Variants in WDR72 observed in about 807,000 individuals in gnomAD.
The protein encoded by WDR72 is WD repeat domain 72.
In WDR72, 120 loss-of-function variants were observed where a neutral mutation model predicts 124.2. That is an observed-to-expected ratio of 0.97 (90% CI 0.83 to 1.12). The LOEUF (loss-of-function observed/expected upper bound fraction) is 1.12. Among genes scored for constraint, WDR72 ranks in the 50% most tolerant of loss-of-function variants. WDR72 has a pLI of 0.00. For missense variants in WDR72, 1,387 were observed against 1,278.8 expected, an observed-to-expected ratio of 1.08 and a Z score of -1.29; for synonymous variants, 452 against 441.7, an observed-to-expected ratio of 1.02 and a Z score of -0.29.
intron 19 of WDR72, among the ~76,000 whole-genome samples, chr15:53,519,441 C>T (rs932555135): frequency 6.6e-6 from 1 of 152,060 alleles, no homozygotes; most frequent in Non-Finnish European, 1.5e-5. Context: ...GCTTCTATTA[C>T]TAGACATCAA....
intron 5 of WDR72, 104 bp downstream of exon 5, chr15:53,715,086 TAAA>T: frequency 3.2e-6 from 4 of 1,245,352 alleles, no homozygotes; most frequent in Non-Finnish European, 4.6e-6. Flanking sequence ...CAGGTAAGCA[TAAA>T]GAAGCATTCT....
At position 53,517,049 on chromosome 15, in the gene WDR72, T is replaced by C. The variant is rs1891501833; in HGVS notation, c.*650A>G. ...CTTGAGCTAAAGACATTAGCCTCAA[T>C]GTCATTAGAAGTTCAAATTAACTCA... On this transcript the variant is annotated 3_prime_UTR_variant, in exon 20 of 20. Coordinates refer to ENST00000360509, the MANE Select transcript of WDR72 (RefSeq NM_182758.4). 1 of 152,578 alleles carries C rather than the reference T, an allele frequency of 6.6e-6. No individual in the cohort carries two copies. Among genetic ancestry groups the C allele is most frequent in the East Asian group, 1.9e-4 (1 of 5,194 alleles). The allele number at this position is 152,578 out of a possible 1,614,324, so 9.5% of individuals were successfully genotyped here.
intron 19 of WDR72, among the ~76,000 whole-genome samples, chr15:53,520,774 A>AAAG (rs1168146299): frequency 7.9e-5 from 12 of 152,054 alleles, no homozygotes; most frequent in African/African-American, 2.9e-4. Context: ...TGAAAAGTGA[A>AAAG]AAGTCATATT....
At chr15:53,630,872 G>C (rs1468283309) in intron 14 of WDR72, among the ~76,000 whole-genome samples, 1 of 151,956 alleles carries the variant, frequency 6.6e-6, no homozygotes, top group Non-Finnish European at 1.5e-5. Context: ...GATTAAGAAA[G>C]AAAAATAAGT....
chr15:53,554,542 A>G (rs1375088203), intron 18 of WDR72, among the ~76,000 whole-genome samples: 1 of 152,148 alleles, frequency 6.6e-6, no homozygotes, highest in Non-Finnish European at 1.5e-5. Flanking sequence ...TTGTGTTGCA[A>G]AAATTTTGCT....
chr15:53,524,955 T>C (rs1354181537), intron 18 of WDR72, among the ~76,000 whole-genome samples: 1 of 152,040 alleles, frequency 6.6e-6, no homozygotes, highest in East Asian at 1.9e-4. Context: ...TCCAAGAGGA[T>C]ATGTGCTTTC....
intron 19 of WDR72, among the ~76,000 whole-genome samples, chr15:53,521,468 A>G (rs1284151469): frequency 6.6e-6 from 1 of 152,152 alleles, no homozygotes; most frequent in Non-Finnish European, 1.5e-5. Flanking sequence ...CAGAGGAAAA[A>G]GCCAGAGTAA....
chr15:53,682,997 G>A (rs1032628395), intron 13 of WDR72, among the ~76,000 whole-genome samples: 2 of 152,120 alleles, frequency 1.3e-5, no homozygotes, highest in African/African-American at 2.4e-5. Context: ...AAGGTGAAGG[G>A]GAAACAAGGG....
rs1567035333 is a variant in WDR72 at position 53,699,757 on chromosome 15, A to C, written c.1758T>G (p.Ile586Met). 6.2e-7 allele frequency: 1 copy of C among 1,614,180 alleles called. No homozygotes were observed. Reference sequence around the variant, plus strand: ...GATAAAATTTCAACTTACCTGTTTCAATTTCCCAGATATAAACTGAGTCAT... The same window carrying C: ...GATAAAATTTCAACTTACCTGTTTCCATTTCCCAGATATAAACTGAGTCAT... ...CADDSVYIWE[I>M]ETGTLERHET... The change falls in exon 13 of 20, where the codon ATT becomes ATG. Residue 586 changes from isoleucine (I) to methionine (M), a missense_variant. Coordinates refer to ENST00000360509, the MANE Select transcript of WDR72 (RefSeq NM_182758.4).
In WDR72 at chr15:53,684,850, G is replaced by A. The variant is rs945932145; in HGVS notation, c.1765+14900C>T. On this transcript the variant is annotated intron_variant, in intron 13 of 19. Coordinates refer to ENST00000360509, the MANE Select transcript of WDR72 (RefSeq NM_182758.4). ...AAGAGAGCAGTGATTCTCCCAGTAC[G>A]CAGCTGGAGATCTGAGAAGGGCCAG... 7.2e-5 allele frequency among the ~76,000 whole-genome samples: 11 copies of A among 152,308 alleles called. No individual in the cohort carries two copies. In the South Asian group the frequency reaches 1.2e-3, roughly 17 times the overall value.
intron 6 of WDR72, 68 bp downstream of exon 6, chr15:53,714,365 TA>T: frequency 7.7e-7 from 1 of 1,304,634 alleles, no homozygotes; most frequent in Non-Finnish European, 1.1e-6. Flanking sequence ...GTAATAGCCT[TA>T]AAATTTATAA....
At chr15:53,609,678 T>C (rs1595791432) in intron 16 of WDR72, 86 bp from the exon 17 acceptor site, 5 of 1,137,698 alleles carry the variant, frequency 4.4e-6, no homozygotes, top group Admixed American at 1.8e-5. Context: ...TAGAATCACC[T>C]GGGAAGCTTT....
At chr15:53,627,274 C>G (rs958719213) in intron 14 of WDR72, among the ~76,000 whole-genome samples, 1 of 152,168 alleles carries the variant, frequency 6.6e-6, no homozygotes, top group Non-Finnish European at 1.5e-5. Flanking sequence ...TTACAATACA[C>G]CACAGTCACT....
intron 2 of WDR72, among the ~76,000 whole-genome samples, chr15:53,727,583 A>C (rs2018078844): frequency 6.6e-6 from 1 of 152,202 alleles, no homozygotes; most frequent in Non-Finnish European, 1.5e-5. Context: ...CTCAGAGAAC[A>C]ACATACTATC....
At chr15:53,570,989 T>C (rs995592932) in intron 18 of WDR72, among the ~76,000 whole-genome samples, 1 of 152,048 alleles carries the variant, frequency 6.6e-6, no homozygotes, top group Non-Finnish European at 1.5e-5. Flanking sequence ...GAAAACCAAA[T>C]ACCGAATATT....
chr15:53,668,660 T>C (rs934776374), intron 13 of WDR72, among the ~76,000 whole-genome samples: 2 of 151,854 alleles, frequency 1.3e-5, no homozygotes, highest in African/African-American at 4.8e-5. Flanking sequence ...TCTTAGCACT[T>C]TGGGAGGGCG....
At chr15:53,537,520 A>G (rs1023527735) in intron 18 of WDR72, among the ~76,000 whole-genome samples, 1 of 152,132 alleles carries the variant, frequency 6.6e-6, no homozygotes, top group African/African-American at 2.4e-5. Context: ...AAACTGGGAA[A>G]CCTTGGTCAT....
At chr15:53,522,899 T>A (rs1042521002) in intron 19 of WDR72, among the ~76,000 whole-genome samples, 1 of 152,082 alleles carries the variant, frequency 6.6e-6, no homozygotes, top group African/African-American at 2.4e-5. Flanking sequence ...TTGAAATATT[T>A]AAAATGTTGC....
intron 18 of WDR72, among the ~76,000 whole-genome samples, chr15:53,594,273 A>G (rs184663181): frequency 1.4e-4 from 21 of 151,594 alleles, no homozygotes; most frequent in African/African-American, 5.1e-4. Context: ...AATGATTTAT[A>G]AATAATACGT....
Sources: gnomAD v4.1 joint callset for allele counts (sites outside exome capture counted in the v4.1 genomes callset) on GRCh38, gnomAD v4.1.1 for gene constraint, MANE v1.5 for transcripts, NCBI Gene and HGNC (gene_info 2026-07-23, HGNC 2026-07-21) for gene names.